TTC23L: variants seen among roughly 807,000 people sequenced by gnomAD.
TTC23L encodes the protein tetratricopeptide repeat domain 23 like.
A neutral mutation model predicts 48.1 loss-of-function variants in TTC23L; 42 were observed. The ratio of observed to expected loss-of-function variants is 0.87; its 90% CI spans 0.68 to 1.13. The LOEUF (loss-of-function observed/expected upper bound fraction) is 1.13. Ranked by LOEUF, TTC23L falls within the 50% of genes most tolerant of loss-of-function variation. TTC23L has a pLI of 0.00. For synonymous variants in TTC23L, 159 were observed against 157.2 expected (o/e 1.01, Z -0.09); for missense variants, 391 against 421.0 (o/e 0.93, Z 0.62).
At chr5:34,869,713 T>C (rs1379113121) in intron 8 of TTC23L, 1 of 152,222 alleles carries the variant, frequency 6.6e-6, no homozygotes, top group Non-Finnish European at 1.5e-5. Flanking sequence ...TCTTTGCTTA[T>C]AAAAGTAACC....
chr5:34,868,543 T>A (rs1761224584), intron 7 of TTC23L: 1 of 178,150 alleles, frequency 5.6e-6, no homozygotes, highest in Non-Finnish European at 1.2e-5. Flanking sequence ...ATTCTTATTA[T>A]CCCTGATTTA....
the TTC23L span, chr5:34,913,616 G>A: frequency 7.9e-7 from 1 of 1,258,140 alleles, no homozygotes; most frequent in Non-Finnish European, 1.1e-6. Flanking sequence ...TTACATAAAA[G>A]AATAAAAACT....
intron 1 of TTC23L, among the ~76,000 whole-genome samples, chr5:34,840,297 G>A (rs1172603874): frequency 2.0e-5 from 3 of 148,884 alleles, no homozygotes; most frequent in African/African-American, 7.6e-5. Context: ...TTACCACTGA[G>A]AGTTGGTTGC....
intron 8 of TTC23L, among the ~76,000 whole-genome samples, chr5:34,874,555 G>A (rs978595035): frequency 2.0e-5 from 3 of 151,940 alleles, no homozygotes; most frequent in African/African-American, 7.2e-5. Flanking sequence ...TATATGAAAT[G>A]CTCAATTTAA....
the TTC23L span, chr5:34,918,687 G>A: frequency 6.9e-6 from 3 of 435,236 alleles, no homozygotes; most frequent in South Asian, 4.6e-5. Flanking sequence ...TTTAAAACAG[G>A]TGTCCTAATA....
At chr5:34,873,377 G>GA (rs1561143601) in intron 8 of TTC23L, among the ~76,000 whole-genome samples, 1 of 152,096 alleles carries the variant, frequency 6.6e-6, no homozygotes, top group Non-Finnish European at 1.5e-5. Context: ...CATTTATTTT[G>GA]AAAAAACTGC....
At chr5:34,857,733 G>A (rs1204381350) in intron 4 of TTC23L, among the ~76,000 whole-genome samples, 2 of 151,800 alleles carry the variant, frequency 1.3e-5, no homozygotes, top group Admixed American at 6.6e-5. Context: ...TAATCCTTGC[G>A]ACAACTCTAC....
the TTC23L span, among the ~76,000 whole-genome samples, chr5:34,923,905 A>T: frequency 1.3e-5 from 2 of 152,062 alleles, no homozygotes; most frequent in Non-Finnish European, 2.9e-5. Context: ...TTTCCTAATA[A>T]GCCATTATAT....
chr5:34,856,614 T>G (rs1369295987), intron 4 of TTC23L, among the ~76,000 whole-genome samples: 1 of 152,144 alleles, frequency 6.6e-6, no homozygotes, highest in African/African-American at 2.4e-5. Context: ...TGATAAAACT[T>G]CCAAGAGGGA....
intron 4 of TTC23L, among the ~76,000 whole-genome samples, chr5:34,852,645 T>C (rs1414664017): frequency 6.6e-6 from 1 of 152,034 alleles, no homozygotes; most frequent in Admixed American, 6.6e-5. Flanking sequence ...CCATTCAGTA[T>C]GGAGTGGGAA....
chr5:34,909,712 C>G, the TTC23L span, among the ~76,000 whole-genome samples: 1 of 152,166 alleles, frequency 6.6e-6, no homozygotes, highest in Non-Finnish European at 1.5e-5. Context: ...TACTGCAACC[C>G]TTAGGTCTGT....
chr5:34,868,942 G>A (rs1265264480), exon 8 of TTC23L: 1 of 1,611,268 alleles, frequency 6.2e-7, no homozygotes. Flanking sequence ...ACTGAAGTCA[G>A]CCCCAAAACT....
chr5:34,900,892 A>G (rs1284180272), downstream of TTC23L, among the ~76,000 whole-genome samples: 1 of 149,758 alleles, frequency 6.7e-6, no homozygotes, highest in Non-Finnish European at 1.5e-5. Flanking sequence ...GGATATTCAC[A>G]ACATCTGCGC....
At chr5:34,840,668 G>A (rs750035104) in exon 2 of TTC23L, 2 of 1,613,922 alleles carry the variant, frequency 1.2e-6, no homozygotes, top group South Asian at 2.2e-5. Flanking sequence ...TTGGTAGGAA[G>A]AAGATGCAAG....
chr5:34,857,835 C>T (rs1326790832), intron 4 of TTC23L, among the ~76,000 whole-genome samples: 3 of 152,128 alleles, frequency 2.0e-5, no homozygotes, highest in African/African-American at 4.8e-5. Context: ...GTCATAATGA[C>T]TAAACAAGGA....
At chr5:34,864,981 A>G (rs1025161770) in intron 6 of TTC23L, among the ~76,000 whole-genome samples, 2 of 152,244 alleles carry the variant, frequency 1.3e-5, no homozygotes, top group African/African-American at 4.8e-5. Flanking sequence ...AGATGAAGGA[A>G]CACTTAATGA....
In TTC23L at chr5:34,897,205, T is replaced by C. The variant is rs373020863; in HGVS notation, c.*97+330T>C. 5.9e-5 allele frequency among the ~76,000 whole-genome samples: 9 copies of C among 151,898 alleles called. No homozygotes were observed. In the East Asian group the frequency reaches 1.7e-3, roughly 29 times the overall value. ...TTCGAGACCAGCCTGGGAAACACAG[T>C]GAAACCCAGTCTCTACTAAAATACA... On this transcript the variant is annotated intron_variant, in intron 10 of 10. Coordinates refer to ENST00000505624, the Ensembl canonical transcript of TTC23L.
chr5:34,904,595 A>C, the TTC23L span, among the ~76,000 whole-genome samples: 1 of 151,032 alleles, frequency 6.6e-6, no homozygotes, highest in Non-Finnish European at 1.5e-5. Flanking sequence ...TCCATCTCAA[A>C]AAAAAAAAAA....
At chr5:34,870,726 A>G (rs193146284) in intron 8 of TTC23L, among the ~76,000 whole-genome samples, 83 of 152,326 alleles carry the variant, frequency 5.4e-4, no homozygotes, top group Admixed American at 2.4e-3. Flanking sequence ...TATAAATAAC[A>G]TACCATGATC....
Sources: allele counts gnomAD v4.1 joint callset (sites outside exome capture counted in the v4.1 genomes callset), GRCh38; gene constraint gnomAD v4.1.1; transcripts MANE v1.5; gene names NCBI Gene and HGNC (gene_info 2026-07-23, HGNC 2026-07-21).